Variants in FNIP1 observed in about 807,000 individuals in gnomAD.
FNIP1 encodes the protein folliculin-interacting protein 1.
A neutral mutation model predicts 124.5 loss-of-function variants in FNIP1; 40 were observed. That is an observed-to-expected ratio of 0.32 (90% CI 0.25 to 0.42). The LOEUF is 0.42. FNIP1 is among the 10% of genes least tolerant of loss of function. The pLI is 1.00. For missense variants in FNIP1, 1,176 were observed against 1,403.7 expected, an observed-to-expected ratio of 0.84 and a Z score of 2.59; for synonymous variants, 472 against 470.6, an observed-to-expected ratio of 1.00 and a Z score of -0.04.
intron 1 of FNIP1, among the ~76,000 whole-genome samples, chr5:131,745,266 C>T (rs949208686): frequency 8.6e-5 from 13 of 152,028 alleles, no homozygotes; most frequent in Non-Finnish European, 1.6e-4. Flanking sequence ...CACCTGTAAT[C>T]CCAGGACTTT....
At chr5:131,706,340 C>T in intron 9 of FNIP1, 71 bp downstream of exon 9, 1 of 1,425,300 alleles carries the variant, frequency 7.0e-7, no homozygotes, top group Non-Finnish European at 9.3e-7. Context: ...AGTCCAGGTT[C>T]TAAAAAACCC....
chr5:131,720,856 C>A (rs543529005), intron 3 of FNIP1, among the ~76,000 whole-genome samples: 1 of 152,264 alleles, frequency 6.6e-6, no homozygotes, highest in East Asian at 1.9e-4. Flanking sequence ...TGTGGGAAAA[C>A]TGGAGCCCTT....
intron 1 of FNIP1, among the ~76,000 whole-genome samples, chr5:131,763,515 T>G (rs558429211): frequency 6.6e-6 from 1 of 152,164 alleles, no homozygotes; most frequent in African/African-American, 2.4e-5. Context: ...TCAGGAAAAC[T>G]TATATTTGTG....
chr5:131,664,952 AATG>A (rs1767551041), intron 15 of FNIP1, among the ~76,000 whole-genome samples: 1 of 151,034 alleles, frequency 6.6e-6, no homozygotes, highest in South Asian at 2.1e-4. Flanking sequence ...TTATATATAA[AATG>A]ATATGCTTGT....
In FNIP1 at chr5:131,643,528, A is replaced by G. The variant is rs967787487; in HGVS notation, c.*1157T>C. The G allele has an allele frequency of 3.3e-5, 5 of 152,792 alleles. No homozygotes were observed. The highest frequency in any genetic ancestry group is 1.2e-4 in the African/African-American group (5 of 41,448). 9.5% of individuals were successfully genotyped at this position (152,792 alleles called of 1,614,324 possible). ...CACCTTTCTATTTACATTACTTACA[A>G]GAGTTTGGTTCCATATTAGCCTTTC... On this transcript the variant is annotated 3_prime_UTR_variant, in exon 18 of 18. Transcript: ENST00000510461.
chr5:131,669,244 G>C (rs945737568), intron 15 of FNIP1, among the ~76,000 whole-genome samples: 1 of 152,142 alleles, frequency 6.6e-6, no homozygotes, highest in African/African-American at 2.4e-5. Flanking sequence ...CCTGGATGCA[G>C]ATGGTTTCAC....
chr5:131,691,444 CA>C (rs1768477598), intron 11 of FNIP1, among the ~76,000 whole-genome samples: 1 of 152,014 alleles, frequency 6.6e-6, no homozygotes, highest in Non-Finnish European at 1.5e-5. Context: ...CAAACAGCAA[CA>C]TAAAACTAAA....
rs1358393200 is a variant in FNIP1 at position 131,748,587 on chromosome 5, C to T, written c.93-3897G>A. Among the ~76,000 whole-genome samples the T allele has an allele frequency of 2.0e-5, 3 of 150,928 alleles. No individual in the cohort carries two copies. The East Asian group carries it at 5.9e-4, about 29-fold the overall frequency. On this transcript the variant is annotated intron_variant, in intron 1 of 17. Transcript: ENST00000510461. ...TGGCATGCACCTGTAGTCCCAGCTA[C>T]TCAGGAGGCTGAGGCAGGAGAATCT...
At chr5:131,673,151 G>A (rs2149515541) in intron 13 of FNIP1, among the ~76,000 whole-genome samples, 1 of 151,598 alleles carries the variant, frequency 6.6e-6, no homozygotes, top group South Asian at 2.1e-4. Flanking sequence ...AGGCTCAGGT[G>A]ATCCTGCTAC....
At chr5:131,708,328 C>G (rs957990466) in intron 8 of FNIP1, among the ~76,000 whole-genome samples, 1 of 152,130 alleles carries the variant, frequency 6.6e-6, no homozygotes, top group Non-Finnish European at 1.5e-5. Context: ...GATAGCAGAG[C>G]CATATAATGT....
chr5:131,739,655 T>C (rs1167877786), intron 2 of FNIP1, among the ~76,000 whole-genome samples: 1 of 151,590 alleles, frequency 6.6e-6, no homozygotes, highest in Non-Finnish European at 1.5e-5. Context: ...CTACTAAAAA[T>C]ACAAAACGTT....
intron 1 of FNIP1, among the ~76,000 whole-genome samples, chr5:131,774,551 G>A (rs961937788): frequency 6.6e-6 from 1 of 152,026 alleles, no homozygotes; most frequent in Non-Finnish European, 1.5e-5. Context: ...CATTCACAAA[G>A]GTTCTCTGTT....
At position 131,732,716 on chromosome 5, in the gene FNIP1, G is replaced by C. The variant is rs112901641; in HGVS notation, c.220-1678C>G. Among the ~76,000 whole-genome samples, 943 of 152,320 alleles carry C rather than the reference G, an allele frequency of 6.2e-3. 4 individuals carry two copies. The highest frequency in any genetic ancestry group is 0.021 in the African/African-American group (893 of 41,574). On this transcript the variant is annotated intron_variant, in intron 2 of 17. Coordinates refer to ENST00000510461, the MANE Select transcript of FNIP1 (RefSeq NM_133372.3). ...CTCTGTTTGGTACCAGCACCATGCT[G>C]TTTTGGTTACTGTAGCCTTATAGTA...
chr5:131,732,569 C>A (rs1770134123), intron 2 of FNIP1, among the ~76,000 whole-genome samples: 1 of 152,172 alleles, frequency 6.6e-6, no homozygotes, highest in Admixed American at 6.5e-5. Flanking sequence ...TTTCCCAGCA[C>A]CATTTGTTAA....
At position 131,643,258 on chromosome 5, in the gene FNIP1, A is replaced by G. The variant is rs556418969; in HGVS notation, c.*1427T>C. On this transcript the variant is annotated 3_prime_UTR_variant, in exon 18 of 18. Coordinates refer to ENST00000510461, the MANE Select transcript of FNIP1 (RefSeq NM_133372.3). ...TCAAGGTCAAAGACAACTTTCCATT[A>G]ACTATTGAAAATTTAAACAGCAAGA... 3 of 152,536 alleles carry G rather than the reference A, an allele frequency of 2.0e-5. No individual in the cohort carries two copies. In the South Asian group the frequency reaches 6.2e-4, roughly 32 times the overall value. 9.4% of individuals were successfully genotyped at this position (152,536 alleles called of 1,614,324 possible).
intron 1 of FNIP1, among the ~76,000 whole-genome samples, chr5:131,788,515 C>CA (rs1437837801): frequency 1.3e-5 from 2 of 151,774 alleles, no homozygotes; most frequent in African/African-American, 2.4e-5. Context: ...ACTAAAAATA[C>CA]AAAAATTAAA....
chr5:131,719,947 A>C (rs534931491), intron 3 of FNIP1, among the ~76,000 whole-genome samples: 19 of 152,372 alleles, frequency 1.2e-4, no homozygotes, highest in African/African-American at 4.6e-4. Context: ...GCCTATGAAA[A>C]TCCTAATGGC....
At chr5:131,762,672 G>A (rs913516345) in intron 1 of FNIP1, among the ~76,000 whole-genome samples, 2 of 152,030 alleles carry the variant, frequency 1.3e-5, no homozygotes, top group African/African-American at 4.8e-5. Flanking sequence ...TGACCACTAC[G>A]GAGAACAGTT....
At chr5:131,732,247 C>T (rs1042331399) in intron 2 of FNIP1, among the ~76,000 whole-genome samples, 1 of 152,160 alleles carries the variant, frequency 6.6e-6, no homozygotes, top group African/African-American at 2.4e-5. Context: ...ACTAAAGTCA[C>T]ATTTACTGAA....
Sources: allele counts gnomAD v4.1 joint callset (sites outside exome capture counted in the v4.1 genomes callset), GRCh38; gene constraint gnomAD v4.1.1; transcripts MANE v1.5; gene names NCBI Gene and HGNC (gene_info 2026-07-23, HGNC 2026-07-21).